The following HCK variants were observed in gnomAD, a reference collection of about 807,000 sequenced individuals.
The protein encoded by HCK is tyrosine-protein kinase HCK.
HCK carries 40 observed loss-of-function variants against 70.4 expected under a neutral mutation model. The observed-to-expected ratio is 0.57, with a 90% CI of 0.44 to 0.74. The LOEUF is 0.74. Among genes scored for constraint, HCK ranks in the 30% least tolerant of loss-of-function variants. The probability of loss-of-function intolerance (pLI) is 0.00; values close to 1 mark genes in which losing one functional copy is unlikely to be tolerated. For synonymous variants in HCK, 245 were observed against 263.2 expected (o/e 0.93, Z 0.67); for missense variants, 568 against 697.2 (o/e 0.81, Z 2.09).
At chr20:32,054,793 G>T (rs934399714) in intron 1 of HCK, among the ~76,000 whole-genome samples, 1 of 152,184 alleles carries the variant, frequency 6.6e-6, no homozygotes, top group Non-Finnish European at 1.5e-5. Flanking sequence ...GCCACAGAGC[G>T]AGACTCCGTC....
At chr20:32,085,813 C>T (rs1178467256) in intron 8 of HCK, among the ~76,000 whole-genome samples, 1 of 152,092 alleles carries the variant, frequency 6.6e-6, no homozygotes, top group Non-Finnish European at 1.5e-5. Flanking sequence ...GACTGAGTGA[C>T]CTGCAGGGTG....
chr20:32,073,670 GATGCAC>G (rs1330811902), intron 3 of HCK, 40 bp from the exon 4 acceptor site: 1 of 1,322,720 alleles, frequency 7.6e-7, no homozygotes, highest in Admixed American at 2.0e-5. Flanking sequence ...AAGGGCTGTG[GATGCAC>G]TTAGACGAAA....
At chr20:32,100,841 C>T (rs1301707495) in intron 12 of HCK, among the ~76,000 whole-genome samples, 1 of 152,158 alleles carries the variant, frequency 6.6e-6, no homozygotes, top group Non-Finnish European at 1.5e-5. Flanking sequence ...TGTTCCACAG[C>T]AAGCAACAAA....
Position 32,083,915 on chromosome 20 carries a change from G to A in HCK, c.554G>A (p.Arg185Gln), listed in dbSNP as rs780859955. The stretch of plus-strand genomic sequence containing the variant: ...TCAGGAAGCTACTCTTTGTCCGTGC[G>A]AGACTACGACCCTCGGCAGGGAGAT... Residue 185 changes from arginine (R) to glutamine (Q), a missense_variant, in exon 7 of 13, where the codon CGA (arginine) becomes CAA (glutamine). Physicochemically the swap from Arg to Gln is conservative, Grantham distance 43 (BLOSUM62 1). Around this residue, in one of 4 missense-constraint regions of HCK, gnomAD observed 318 missense variants for 336.0 expected, o/e 0.95. Transcript: ENST00000375852. 12 of 1,614,212 alleles carry A rather than the reference G, an allele frequency of 7.4e-6. No homozygotes were observed. The highest frequency in any genetic ancestry group is 2.2e-5 in the East Asian group (1 of 44,886).
At chr20:32,059,479 T>C (rs752400964) in intron 1 of HCK, among the ~76,000 whole-genome samples, 18 of 143,122 alleles carry the variant, frequency 1.3e-4, no homozygotes, top group South Asian at 6.9e-4. Flanking sequence ...TCCTCCTCCT[T>C]CTTCTTCTTT....
chr20:32,073,864 C>T (rs774199270), intron 4 of HCK, 46 bp downstream of exon 4: 1 of 1,120,434 alleles, frequency 8.9e-7, no homozygotes, highest in South Asian at 1.3e-5. Flanking sequence ...GCCTCCTCTA[C>T]TCAACTATGT....
chr20:32,071,210 A>G (rs1269201778), intron 1 of HCK, among the ~76,000 whole-genome samples: 1 of 152,078 alleles, frequency 6.6e-6, no homozygotes, highest in East Asian at 1.9e-4. Context: ...TATTGTCCCC[A>G]TTTTGCCGAT....
rs142888866 is a variant in HCK at position 32,094,747 on chromosome 20, A to G, written c.1246+731A>G. On this transcript the variant is annotated intron_variant, in intron 11 of 12. Transcript: ENST00000375852. ...AAAGAAAGAAAGAAAGAAAGAAAGAAAGAAAGAAAGAAAGAAGGAAAGAAA... is the reference window on the plus strand; with the variant it reads ...AAAGAAAGAAAGAAAGAAAGAAAGAGAGAAAGAAAGAAAGAAGGAAAGAAA... Among the ~76,000 whole-genome samples the G allele has an allele frequency of 5.2e-4, 65 of 126,104 alleles. 2 individuals carry two copies. Among genetic ancestry groups the G allele is most frequent in the Non-Finnish European group, 8.1e-4 (48 of 59,546 alleles). The allele number at this position is 126,104 out of a possible 152,430, so 82.7% of individuals were successfully genotyped here.
intron 4 of HCK, among the ~76,000 whole-genome samples, chr20:32,074,097 C>A (rs866805952): frequency 2.0e-5 from 3 of 152,196 alleles, no homozygotes; most frequent in African/African-American, 4.8e-5. Flanking sequence ...ACCGGCTTTA[C>A]CTGTGGACCA....
chr20:32,064,285 C>T (rs1018146098), intron 1 of HCK, among the ~76,000 whole-genome samples: 3 of 152,132 alleles, frequency 2.0e-5, no homozygotes, highest in African/African-American at 4.8e-5. Context: ...TGAGCCACCG[C>T]GCCCATCCAC....
chr20:32,082,136 C>T (rs1423431015), intron 6 of HCK, among the ~76,000 whole-genome samples: 1 of 152,130 alleles, frequency 6.6e-6, no homozygotes, highest in African/African-American at 2.4e-5. Flanking sequence ...AGTTATTTCA[C>T]CTCTCTGGGC....
In HCK at chr20:32,071,657, T is replaced by G. The variant is rs1456156664; in HGVS notation, c.63-5T>G. On this transcript the variant is annotated splice_region_variant and splice_polypyrimidine_tract_variant and intron_variant, in intron 1 of 12. Coordinates refer to ENST00000375852, the MANE Select transcript of HCK (RefSeq NM_002110.5). ...TGGGGCTCACCTCCCTTCTGTCTGCTGCAGGATGGGGTGCATGAAGTCCAA... is the reference window on the plus strand; with the variant it reads ...TGGGGCTCACCTCCCTTCTGTCTGCGGCAGGATGGGGTGCATGAAGTCCAA... The G allele has an allele frequency of 6.2e-7, 1 of 1,613,666 alleles. No homozygotes were observed. The highest frequency in any genetic ancestry group is 2.2e-5 in the East Asian group (1 of 44,882).
chr20:32,089,127 C>G (rs1254658108), intron 10 of HCK, among the ~76,000 whole-genome samples: 2 of 152,240 alleles, frequency 1.3e-5, no homozygotes, highest in African/African-American at 4.8e-5. Context: ...CAAGACAGAG[C>G]TGGACCAGGG....
chr20:32,059,421 CTTTCTTTCTTT>C lies in HCK; in HGVS notation c.62+6947_62+6957del, dbSNP rs1474991696. On this transcript the variant is annotated intron_variant, in intron 1 of 12. Transcript: ENST00000375852. ...CTTCCTTTCTTCTTTCTCTCTCTCT[CTTTCTTTCTTT>C]TTTCTTTCTTTCTTTCTTTCTTCTT... Among the ~76,000 whole-genome samples the C allele has an allele frequency of 8.8e-5, 13 of 148,226 alleles. 1 individual carries two copies. In the East Asian group the frequency reaches 1.6e-3, roughly 18 times the overall value.
chr20:32,064,759 C>T (rs1568965976), intron 1 of HCK, among the ~76,000 whole-genome samples: 1 of 152,242 alleles, frequency 6.6e-6, no homozygotes, highest in East Asian at 1.9e-4. Context: ...GGCCGAGTCT[C>T]TGAGTTTTCC....
intron 4 of HCK, among the ~76,000 whole-genome samples, chr20:32,074,342 G>A (rs1346908285): frequency 6.6e-6 from 1 of 152,176 alleles, no homozygotes; most frequent in East Asian, 1.9e-4. Flanking sequence ...TAGCTAATAA[G>A]ACCAAAGCTG....
chr20:32,097,273 T>C (rs1485606690), intron 11 of HCK, among the ~76,000 whole-genome samples: 2 of 151,168 alleles, frequency 1.3e-5, no homozygotes, highest in East Asian at 3.9e-4. Context: ...GAGCAAGACT[T>C]TGTCTCAAAA....
intron 1 of HCK, among the ~76,000 whole-genome samples, chr20:32,057,442 G>A (rs1028437395): frequency 3.3e-5 from 5 of 152,048 alleles, no homozygotes; most frequent in African/African-American, 1.2e-4. Context: ...TCTACAAAAA[G>A]TACAAAAATT....
chr20:32,077,562 T>C (rs1422990832), intron 5 of HCK, among the ~76,000 whole-genome samples: 1 of 152,178 alleles, frequency 6.6e-6, no homozygotes, highest in Non-Finnish European at 1.5e-5. Context: ...GTTTCTCTCT[T>C]GTTGCCCAGG....
Sources: allele counts gnomAD v4.1 joint callset (sites outside exome capture counted in the v4.1 genomes callset), GRCh38; gene constraint gnomAD v4.1.1; regional missense constraint gnomAD v4.1.1; transcripts MANE v1.5; gene names NCBI Gene and HGNC (gene_info 2026-07-23, HGNC 2026-07-21).